Variants in GBF1 observed in about 807,000 individuals in gnomAD.
The protein encoded by GBF1 is golgi brefeldin A resistant guanine nucleotide exchange factor 1, also known as Golgi-specific brefeldin A-resistance guanine nucleotide exchange factor 1.
In GBF1, 114 loss-of-function variants were observed where a neutral mutation model predicts 210.5. That is an observed-to-expected ratio of 0.54 (90% confidence interval 0.47 to 0.63). GBF1 has a LOEUF of 0.63. GBF1 is among the 30% of genes least tolerant of loss of function. GBF1 has a pLI of 0.00. For missense variants in GBF1, 1,851 were observed against 2,357.7 expected (o/e 0.79, Z 4.45); for synonymous variants, 850 against 889.2 (o/e 0.96, Z 0.78).
intron 9 of GBF1, among the ~76,000 whole-genome samples, 156 bp from the exon 10 acceptor site, chr10:102,358,350 T>TAA (rs2059407396): frequency 6.6e-6 from 1 of 152,224 alleles, no homozygotes; most frequent in Admixed American, 6.5e-5. Context: ...TCAGCAACTA[T>TAA]GCAGTGACTT....
At chr10:102,338,376 G>A (rs56691530) in intron 3 of GBF1, among the ~76,000 whole-genome samples, 1 of 151,394 alleles carries the variant, frequency 6.6e-6, no homozygotes, top group South Asian at 2.1e-4. Context: ...AAGTAGCTGA[G>A]ATTACAGGCA....
chr10:102,316,708 C>A (rs1421674348), intron 3 of GBF1, among the ~76,000 whole-genome samples: 1 of 152,094 alleles, frequency 6.6e-6, no homozygotes, highest in African/African-American at 2.4e-5. Context: ...ACAGATAGAC[C>A]AACTGATAAA....
intron 6 of GBF1, 151 bp from the exon 7 acceptor site, chr10:102,352,307 G>A (rs2059039623): frequency 1.5e-6 from 1 of 659,348 alleles, no homozygotes; most frequent in Admixed American, 2.2e-5. Flanking sequence ...GGCCAGTGAA[G>A]TTCTGGCTGC....
chr10:102,262,286 TA>T (rs2073333934), intron 3 of GBF1, among the ~76,000 whole-genome samples: 1 of 152,204 alleles, frequency 6.6e-6, no homozygotes, highest in African/African-American at 2.4e-5. Context: ...GTTCTTATTT[TA>T]TGGCCTGTAC....
chr10:102,311,479 A>G (rs1589592099), intron 3 of GBF1, among the ~76,000 whole-genome samples: 2 of 152,172 alleles, frequency 1.3e-5, no homozygotes, highest in East Asian at 3.9e-4. Context: ...AAAAGTTGCT[A>G]CACATTCCCA....
At chr10:102,240,313 A>T in the GBF1 span, among the ~76,000 whole-genome samples, 1 of 152,212 alleles carries the variant, frequency 6.6e-6, no homozygotes, top group South Asian at 2.1e-4. Flanking sequence ...CTGTCCTCAA[A>T]TTTGGATTCT....
intron 1 of GBF1, among the ~76,000 whole-genome samples, chr10:102,249,841 G>A (rs960294748): frequency 1.3e-5 from 2 of 151,926 alleles, no homozygotes; most frequent in East Asian, 1.9e-4. Context: ...ACAGGTGCAC[G>A]CCACCACACC....
chr10:102,370,739 G>A lies in GBF1; in HGVS notation c.3539G>A (p.Arg1180Gln), dbSNP rs191279744. 14 of 1,614,064 alleles carry A rather than the reference G, an allele frequency of 8.7e-6. No individual in the cohort carries two copies. Among genetic ancestry groups the A allele is most frequent in the Admixed American group, 5.0e-5 (3 of 60,014 alleles). ...DRVGCVWQTV[R>Q]DHLYHLCVQA... ...GTGGGCTGTGTGTGGCAGACTGTTC[G>A]AGACCATCTATACCACCTCTGTGTT... The change falls in exon 29 of 40, where the codon CGA becomes CAA. Residue 1180 changes from arginine to glutamine, a missense_variant. Transcript: ENST00000369983.
At chr10:102,276,451 G>A (rs2074976930) in intron 3 of GBF1, among the ~76,000 whole-genome samples, 1 of 151,116 alleles carries the variant, frequency 6.6e-6, no homozygotes, top group Non-Finnish European at 1.5e-5. Context: ...GCTTGAACCT[G>A]GGAGGTGGAG....
In GBF1 at chr10:102,376,342, C is replaced by T. The variant is rs778407114; in HGVS notation, c.3957C>T (p.Ser1319=). The stretch of plus-strand genomic sequence containing the variant: ...TGAGCCTGGATCGAGGGTACACTTC[C>T]GACTCAGAGGTCTACACTGACCATG... ...NDVSLDRGYT[S]DSEVYTDHGR... Residue 1319 remains serine (S), a synonymous_variant, in exon 31 of 40, where the codon TCC becomes TCT. Coordinates refer to ENST00000369983, the MANE Select transcript of GBF1 (RefSeq NM_001377137.1). 21 of 1,613,628 alleles carry T rather than the reference C, an allele frequency of 1.3e-5. No homozygotes were observed. Among genetic ancestry groups the T allele is most frequent in the African/African-American group, 1.3e-5 (1 of 74,816 alleles).
intron 18 of GBF1, among the ~76,000 whole-genome samples, 156 bp downstream of exon 18, chr10:102,365,755 A>G (rs1457526412): frequency 6.6e-6 from 1 of 152,126 alleles, no homozygotes; most frequent in Non-Finnish European, 1.5e-5. Flanking sequence ...TACAAAAAAT[A>G]CAAAAATTAG....
At chr10:102,312,699 CTGTT>C (rs1158988414) in intron 3 of GBF1, among the ~76,000 whole-genome samples, 2 of 152,156 alleles carry the variant, frequency 1.3e-5, no homozygotes, top group Non-Finnish European at 2.9e-5. Flanking sequence ...GTAGAAACAA[CTGTT>C]TGTTTTGGTT....
intron 3 of GBF1, among the ~76,000 whole-genome samples, chr10:102,289,799 AC>A (rs2076284266): frequency 1.3e-5 from 2 of 152,154 alleles, no homozygotes; most frequent in Admixed American, 6.5e-5. Flanking sequence ...AAGAACAAAA[AC>A]CTTTGTGCCA....
the GBF1 span, among the ~76,000 whole-genome samples, chr10:102,236,034 G>A: frequency 2.6e-5 from 4 of 152,184 alleles, no homozygotes; most frequent in African/African-American, 9.7e-5. Context: ...CCGTGAAACT[G>A]AAGAGAGAAG....
chr10:102,349,867 G>A (rs1327972769), intron 4 of GBF1, among the ~76,000 whole-genome samples: 1 of 152,088 alleles, frequency 6.6e-6, no homozygotes, highest in Admixed American at 6.5e-5. Context: ...TTCCAGCGTG[G>A]TGCCGGTTGT....
chr10:102,302,278 G>A (rs2077453260), intron 3 of GBF1, among the ~76,000 whole-genome samples: 1 of 152,178 alleles, frequency 6.6e-6, no homozygotes, highest in African/African-American at 2.4e-5. Flanking sequence ...AAAGGGGAGA[G>A]GGGAGAGGTT....
intron 3 of GBF1, among the ~76,000 whole-genome samples, chr10:102,304,617 A>G (rs1295910968): frequency 6.6e-6 from 1 of 152,016 alleles, no homozygotes; most frequent in Non-Finnish European, 1.5e-5. Context: ...TACTAAAAAT[A>G]CAAAAAAATT....
At chr10:102,279,715 T>C (rs1488582723) in intron 3 of GBF1, among the ~76,000 whole-genome samples, 1 of 152,208 alleles carries the variant, frequency 6.6e-6, no homozygotes, top group Non-Finnish European at 1.5e-5. Context: ...GAAGTATTGC[T>C]TCTTGAGACT....
chr10:102,300,351 C>A (rs889112991), intron 3 of GBF1, among the ~76,000 whole-genome samples: 7 of 152,094 alleles, frequency 4.6e-5, no homozygotes, highest in Admixed American at 1.3e-4. Flanking sequence ...CAGCCATAGT[C>A]TCTGGATTAG....
Sources: allele counts gnomAD v4.1 joint callset (sites outside exome capture counted in the v4.1 genomes callset), GRCh38; gene constraint gnomAD v4.1.1; transcripts MANE v1.5; gene names NCBI Gene and HGNC (gene_info 2026-07-23, HGNC 2026-07-21).